The following POLD3 variants were observed in gnomAD, a reference collection of about 807,000 sequenced individuals.
POLD3 encodes the protein DNA polymerase delta subunit 3.
A neutral mutation model predicts 58.2 loss-of-function variants in POLD3; 19 were observed. That is an observed-to-expected ratio of 0.33 (90% CI 0.23 to 0.48). POLD3 has a LOEUF of 0.48. Ranked by LOEUF, POLD3 falls within the 20% of genes least tolerant of loss-of-function variation. The pLI, the probability that POLD3 is intolerant of heterozygous loss-of-function variation, is 0.99. For missense variants in POLD3, 504 were observed against 545.5 expected (o/e 0.92, Z 0.76); for synonymous variants, 172 against 193.5 (o/e 0.89, Z 0.92).
chr11:74,659,260 G>A (rs1397374937), intron 4 of POLD3, among the ~76,000 whole-genome samples: 3 of 152,136 alleles, frequency 2.0e-5, no homozygotes, highest in Admixed American at 6.5e-5. Flanking sequence ...TGGGACACAG[G>A]GCACCAAGTC....
chr11:74,598,302 G>T (rs1268307963), intron 2 of POLD3, among the ~76,000 whole-genome samples: 1 of 152,008 alleles, frequency 6.6e-6, no homozygotes, highest in African/African-American at 2.4e-5. Context: ...TTGCACATGG[G>T]TATACGGTTA....
intron 8 of POLD3, among the ~76,000 whole-genome samples, chr11:74,627,111 CA>C (rs747779129): frequency 5.9e-5 from 9 of 151,976 alleles, no homozygotes; most frequent in Non-Finnish European, 8.8e-5. Flanking sequence ...GGAGATATTT[CA>C]AAAGAAGGCA....
intron 5 of POLD3, 67 bp downstream of exon 5, chr11:74,613,077 C>G: frequency 6.9e-7 from 1 of 1,456,316 alleles, no homozygotes. Flanking sequence ...TACACAGTGG[C>G]TGCCTCTTAA....
At chr11:74,669,242 G>A (rs900986998), downstream of POLD3, 5 of 160,970 alleles carry the variant, frequency 3.1e-5, no homozygotes, top group Non-Finnish European at 6.8e-5. Flanking sequence ...GCACAAGAAA[G>A]TGCTTTGTAA....
chr11:74,646,522 CT>C (rs1428449214), downstream of POLD3, among the ~76,000 whole-genome samples: 1 of 152,186 alleles, frequency 6.6e-6, no homozygotes, highest in African/African-American at 2.4e-5. Flanking sequence ...AGAGGCTGGA[CT>C]AAAATTAAGT....
chr11:74,612,805 G>C lies in POLD3; in HGVS notation c.260-73G>C, dbSNP rs1315481577. 5.3e-6 allele frequency: 7 copies of C among 1,309,868 alleles called. No homozygotes were observed. In the East Asian group the frequency reaches 1.6e-4, roughly 31 times the overall value. The allele number at this position is 1,309,868 out of a possible 1,614,324, so 81.1% of individuals were successfully genotyped here. On this transcript the variant is annotated intron_variant, in intron 4 of 11. Coordinates refer to ENST00000263681, the MANE Select transcript of POLD3 (RefSeq NM_006591.3). ...AGATTACAAATGCTTTAATGCAGAA[G>C]GGTTTCTTGTTAAAGTCCCCACATG... is the stretch of plus-strand genomic sequence containing the variant.
At chr11:74,636,924 GCTT>G in intron 11 of POLD3, among the ~76,000 whole-genome samples, 1 of 152,276 alleles carries the variant, frequency 6.6e-6, no homozygotes, top group African/African-American at 2.4e-5. Context: ...CCATGTTTTA[GCTT>G]CTTCTACCCT....
intron 3 of POLD3, among the ~76,000 whole-genome samples, chr11:74,606,025 C>T (rs2031662831): frequency 6.6e-6 from 1 of 152,196 alleles, no homozygotes; most frequent in Non-Finnish European, 1.5e-5. Flanking sequence ...GTCAAGGCTG[C>T]AGCGAGCTGT....
chr11:74,600,620 C>T (rs555939140), intron 2 of POLD3, among the ~76,000 whole-genome samples: 3 of 150,606 alleles, frequency 2.0e-5, no homozygotes, highest in East Asian at 2.0e-4. Context: ...GGCGACAGAG[C>T]GATACTCTAT....
intron 10 of POLD3, among the ~76,000 whole-genome samples, chr11:74,635,841 A>G (rs1162856492): frequency 6.6e-6 from 1 of 152,192 alleles, no homozygotes; most frequent in Non-Finnish European, 1.5e-5. Context: ...ACTGTATTGC[A>G]GTGGTCTGCT....
intron 9 of POLD3, among the ~76,000 whole-genome samples, chr11:74,633,105 T>G (rs1482972875): frequency 3.3e-5 from 5 of 152,186 alleles, no homozygotes; most frequent in African/African-American, 1.2e-4. Flanking sequence ...GAACTGGAAA[T>G]AGAATAAGAA....
intron 4 of POLD3, among the ~76,000 whole-genome samples, chr11:74,648,734 T>C (rs2033032189): frequency 6.6e-6 from 1 of 152,190 alleles, no homozygotes; most frequent in Non-Finnish European, 1.5e-5. Context: ...AGTTTAGACC[T>C]TGCACTATAG....
chr11:74,625,739 C>T (rs1193250595), intron 8 of POLD3, among the ~76,000 whole-genome samples, 166 bp downstream of exon 8: 1 of 152,104 alleles, frequency 6.6e-6, no homozygotes, highest in Non-Finnish European at 1.5e-5. Context: ...AGTAGCTTAT[C>T]TAGTGGAGTA....
intron 4 of POLD3, among the ~76,000 whole-genome samples, chr11:74,668,102 A>G (rs1007045310): frequency 1.3e-5 from 2 of 152,246 alleles, no homozygotes; most frequent in African/African-American, 4.8e-5. Flanking sequence ...ATGTGGATAA[A>G]TTTGGAACCT....
chr11:74,615,665 G>T (rs1280643736), intron 5 of POLD3, among the ~76,000 whole-genome samples: 4 of 152,146 alleles, frequency 2.6e-5, no homozygotes, highest in African/African-American at 9.7e-5. Context: ...CTTGAACTTG[G>T]GTTGTTAGAA....
chr11:74,626,890 G>A (rs527594914), intron 8 of POLD3, among the ~76,000 whole-genome samples: 15 of 152,158 alleles, frequency 9.9e-5, no homozygotes, highest in African/African-American at 2.6e-4. Context: ...CATTCCTCAC[G>A]TGTTTGTGAT....
chr11:74,666,205 A>G (rs574857947), intron 4 of POLD3, among the ~76,000 whole-genome samples: 2 of 152,258 alleles, frequency 1.3e-5, no homozygotes, highest in African/African-American at 2.4e-5. Flanking sequence ...TGCAAAGCTT[A>G]TATAAATTCT....
chr11:74,654,681 A>T (rs2033111262), intron 4 of POLD3, among the ~76,000 whole-genome samples: 2 of 152,204 alleles, frequency 1.3e-5, no homozygotes, highest in South Asian at 4.1e-4. Flanking sequence ...GCTCCCCACC[A>T]GCTTGGTCAC....
At chr11:74,663,287 A>AT (rs1402291141) in intron 4 of POLD3, among the ~76,000 whole-genome samples, 3 of 152,232 alleles carry the variant, frequency 2.0e-5, no homozygotes, top group African/African-American at 7.2e-5. Flanking sequence ...CAATATTGTT[A>AT]ACTTGTCAGT....
Sources: allele counts gnomAD v4.1 joint callset (sites outside exome capture counted in the v4.1 genomes callset), GRCh38; gene constraint gnomAD v4.1.1; transcripts MANE v1.5; gene names NCBI Gene and HGNC (gene_info 2026-07-23, HGNC 2026-07-21).